The following RORA variants were observed in gnomAD, a reference collection of about 807,000 sequenced individuals.
RORA encodes nuclear receptor ROR-alpha.
A neutral mutation model predicts 69.5 loss-of-function variants in RORA; 7 were observed. The observed-to-expected ratio is 0.10, with a 90% CI of 0.06 to 0.19. The LOEUF is 0.19. RORA is among the 10% of genes least tolerant of loss of function. RORA has a pLI of 1.00. For missense variants in RORA, 457 were observed against 663.0 expected (o/e 0.69, Z 3.41); for synonymous variants, 261 against 240.8 (o/e 1.08, Z -0.78).
At chr15:61,222,671 A>G (rs1364394874) in intron 1 of RORA, among the ~76,000 whole-genome samples, 3 of 152,236 alleles carry the variant, frequency 2.0e-5, no homozygotes, top group East Asian at 3.8e-4. Context: ...TGCAGACTAT[A>G]TCATTAAGTC....
At chr15:60,598,134 A>G (rs1288170837) in intron 2 of RORA, among the ~76,000 whole-genome samples, 6 of 152,154 alleles carry the variant, frequency 3.9e-5, no homozygotes, top group Admixed American at 1.3e-4. Context: ...GGAAAAAGTG[A>G]TATCTCTCAG....
At chr15:61,104,192 C>T (rs1479302038) in intron 1 of RORA, among the ~76,000 whole-genome samples, 1 of 152,184 alleles carries the variant, frequency 6.6e-6, no homozygotes, top group Non-Finnish European at 1.5e-5. Flanking sequence ...CACAAAATAT[C>T]CTTCTGTTCT....
intron 2 of RORA, among the ~76,000 whole-genome samples, chr15:60,550,469 C>T (rs1471845181): frequency 6.6e-6 from 1 of 152,126 alleles, no homozygotes; most frequent in East Asian, 1.9e-4. Context: ...TTTAAGTGGT[C>T]ACCAAAAAGA....
At chr15:60,677,661 C>A (rs2070574479) in intron 2 of RORA, among the ~76,000 whole-genome samples, 1 of 149,696 alleles carries the variant, frequency 6.7e-6, no homozygotes, top group Admixed American at 6.7e-5. Flanking sequence ...CAAGAATCAA[C>A]TGAGGCACAA....
chr15:60,969,409 T>C (rs1025049164), intron 1 of RORA, among the ~76,000 whole-genome samples: 3 of 152,210 alleles, frequency 2.0e-5, no homozygotes, highest in Non-Finnish European at 4.4e-5. Context: ...CTCTGACTTC[T>C]GGGTTTTTAA....
intron 1 of RORA, among the ~76,000 whole-genome samples, chr15:60,908,502 G>A (rs1891610815): frequency 6.6e-6 from 1 of 152,112 alleles, no homozygotes; most frequent in African/African-American, 2.4e-5. Flanking sequence ...TGAGTACAGG[G>A]GTAGGCGGCA....
At position 60,595,494 on chromosome 15, in the gene RORA, G is replaced by A. The variant is rs574355962; in HGVS notation, c.197-63643C>T. Among the ~76,000 whole-genome samples the A allele has an allele frequency of 1.7e-4, 25 of 151,216 alleles. No homozygotes were observed. The East Asian group carries it at 4.3e-3, about 26-fold the overall frequency. On this transcript the variant is annotated intron_variant, in intron 2 of 10. Transcript: ENST00000335670. ...CACACCACTGCACTCCAGCCTGGGCGACAGAGCAATAATCTGTCTCAAGGA... is the reference window on the plus strand; with the variant it reads ...CACACCACTGCACTCCAGCCTGGGCAACAGAGCAATAATCTGTCTCAAGGA...
In RORA at chr15:60,489,306, G is replaced by A. The variant is rs2065004966; in HGVS notation, c.*8149C>T. On this transcript the variant is annotated 3_prime_UTR_variant, in exon 11 of 11. Transcript: ENST00000335670. Reference sequence around the variant, plus strand: ...AAAATGGAAAATGTCTAGAATTGTGGATAAATATTGCAGTGCATGGAAGCC... The same window carrying A: ...AAAATGGAAAATGTCTAGAATTGTGAATAAATATTGCAGTGCATGGAAGCC... 6.6e-6 allele frequency: 1 copy of A among 152,216 alleles called. No homozygotes were observed. The highest frequency in any genetic ancestry group is 6.5e-5 in the Admixed American group (1 of 15,282). 9.4% of individuals were successfully genotyped at this position (152,216 alleles called of 1,614,324 possible).
chr15:60,998,645 G>A (rs992515342), intron 1 of RORA, among the ~76,000 whole-genome samples: 3 of 152,124 alleles, frequency 2.0e-5, no homozygotes, highest in East Asian at 1.9e-4. Flanking sequence ...GTGATCTGCC[G>A]GCCTCAGTCT....
At chr15:60,834,189 A>G (rs1237014453) in intron 1 of RORA, among the ~76,000 whole-genome samples, 1 of 152,222 alleles carries the variant, frequency 6.6e-6, no homozygotes. Flanking sequence ...TCAAATGCAA[A>G]GAAGGCACAA....
intron 1 of RORA, among the ~76,000 whole-genome samples, chr15:60,927,577 A>G (rs944038798): frequency 1.3e-5 from 2 of 152,154 alleles, no homozygotes; most frequent in African/African-American, 4.8e-5. Flanking sequence ...GTTCAAGTCC[A>G]GCCTAGCCAA....
At position 60,504,197 on chromosome 15, in the gene RORA, C is replaced by T. The variant is rs528187734; in HGVS notation, c.943-530G>A. On this transcript the variant is annotated intron_variant, in intron 6 of 10. Coordinates refer to ENST00000335670, the MANE Select transcript of RORA (RefSeq NM_134261.3). ...AGGAGAATCAACTGAATTTATTGTG[C>T]ACCTACTATGAGCTAGGCGCTTTAT... Among the ~76,000 whole-genome samples the T allele has an allele frequency of 3.4e-4, 52 of 152,294 alleles. No homozygotes were observed. In the South Asian group the frequency reaches 3.7e-3, roughly 11 times the overall value.
intron 1 of RORA, among the ~76,000 whole-genome samples, chr15:60,899,093 G>A (rs914701712): frequency 3.9e-5 from 6 of 152,194 alleles, no homozygotes; most frequent in African/African-American, 1.4e-4. Flanking sequence ...GACCACTAGG[G>A]GTTGTTCGCA....
intron 1 of RORA, among the ~76,000 whole-genome samples, chr15:61,082,262 G>A (rs1039567352): frequency 1.3e-5 from 2 of 152,212 alleles, no homozygotes; most frequent in Admixed American, 6.5e-5. Flanking sequence ...GCCGCGGCGG[G>A]CGAATCACCT....
chr15:60,814,986 T>G (rs1430760312), intron 1 of RORA, among the ~76,000 whole-genome samples: 1 of 152,134 alleles, frequency 6.6e-6, no homozygotes, highest in East Asian at 1.9e-4. Context: ...GAATCCATGT[T>G]CAAAAGTAGG....
intron 1 of RORA, among the ~76,000 whole-genome samples, chr15:60,918,663 C>T (rs961262062): frequency 2.6e-5 from 4 of 152,146 alleles, no homozygotes; most frequent in African/African-American, 7.2e-5. Flanking sequence ...AAGCAGGAAC[C>T]TTGGAGATAT....
chr15:60,632,878 A>T (rs1022401726), intron 2 of RORA, among the ~76,000 whole-genome samples: 1 of 152,234 alleles, frequency 6.6e-6, no homozygotes, highest in Non-Finnish European at 1.5e-5. Context: ...CCAAAAAGAA[A>T]AGAAAAGAAA....
chr15:61,067,074 A>G (rs1387542779), intron 1 of RORA, among the ~76,000 whole-genome samples: 1 of 151,078 alleles, frequency 6.6e-6, no homozygotes, highest in Non-Finnish European at 1.5e-5. Flanking sequence ...CATTATTGAC[A>G]TATTATCTAT....
At chr15:60,784,879 C>A (rs1230383270) in intron 1 of RORA, among the ~76,000 whole-genome samples, 1 of 152,182 alleles carries the variant, frequency 6.6e-6, no homozygotes, top group Non-Finnish European at 1.5e-5. Flanking sequence ...CCTATACATA[C>A]ATGTTAATTT....
Sources: gnomAD v4.1 joint callset for allele counts (sites outside exome capture counted in the v4.1 genomes callset) on GRCh38, gnomAD v4.1.1 for gene constraint, MANE v1.5 for transcripts, NCBI Gene and HGNC (gene_info 2026-07-23, HGNC 2026-07-21) for gene names.